CIITA: variants seen among roughly 807,000 people sequenced by gnomAD.
CIITA encodes MHC class II transactivator.
A neutral mutation model predicts 115.1 loss-of-function variants in CIITA; 72 were observed. That is an observed-to-expected ratio of 0.63 (90% confidence interval 0.52 to 0.76). The LOEUF is 0.76. Ranked by LOEUF, CIITA falls within the 30% of genes least tolerant of loss-of-function variation. The pLI, the probability that CIITA is intolerant of heterozygous loss-of-function variation, is 0.00. For missense variants in CIITA, 1,617 were observed against 1,463.8 expected (o/e 1.10, Z -1.71); for synonymous variants, 763 against 635.6 (o/e 1.20, Z -3.02).
At chr16:10,905,726 C>T (rs2039098631) in intron 10 of CIITA, among the ~76,000 whole-genome samples, 1 of 151,358 alleles carries the variant, frequency 6.6e-6, no homozygotes, top group African/African-American at 2.4e-5. Flanking sequence ...TGCGCCAGTG[C>T]ACTCCAGCCT....
rs774566190 is a variant in CIITA, at chr16:10,922,500, G to A, written c.3317+10G>A. On this transcript the variant is annotated intron_variant, in intron 18 of 19. Transcript: ENST00000324288. ...ATGTGGAGACGCTGGCGTAAGTCCA[G>A]GCAACCCTGGTGGGTGGAGAACAAC... The A allele has an allele frequency of 6.2e-6, 10 of 1,613,740 alleles. No homozygotes were observed. The highest frequency in any genetic ancestry group is 1.7e-5 in the Admixed American group (1 of 59,992).
At chr16:10,878,216 G>A (rs188703214) in intron 1 of CIITA, among the ~76,000 whole-genome samples, 25 of 152,294 alleles carry the variant, frequency 1.6e-4, no homozygotes, top group Admixed American at 1.1e-3. Flanking sequence ...CCCCTGAAAT[G>A]TATGGTTTGC....
rs2040845876 is a variant in CIITA, at chr16:10,932,651, T to TGA, written c.*8796_*8797insGA. On this transcript the variant is annotated 3_prime_UTR_variant, in exon 20 of 20. Coordinates refer to ENST00000324288, the MANE Select transcript of CIITA (RefSeq NM_000246.4). ...TCATGAGCTAAAAAATAAAACAAAA[T>TGA]CACACACACACACACAAAAAAACAC... 1 of 138,986 alleles carries TGA rather than the reference T, an allele frequency of 7.2e-6. No individual in the cohort carries two copies. The highest frequency in any genetic ancestry group is 2.4e-4 in the South Asian group (1 of 4,162). 8.6% of individuals were successfully genotyped at this position (138,986 alleles called of 1,614,324 possible).
Position 10,901,445 on chromosome 16 carries a change from G to C in CIITA, c.437-69G>C. ...GAAGTTAAGGCCGTATAGCCTGCTAGAGTCCTGAGCCCCTTCTGGCTTGGG... is the reference window on the plus strand; with the variant it reads ...GAAGTTAAGGCCGTATAGCCTGCTACAGTCCTGAGCCCCTTCTGGCTTGGG... On this transcript the variant is annotated intron_variant, in intron 5 of 19. Coordinates refer to ENST00000324288, the MANE Select transcript of CIITA (RefSeq NM_000246.4). The surrounding 1 kb of genome is among the most constrained non-coding windows in gnomAD (Gnocchi z 6.8). 1.3e-6 allele frequency: 2 copies of C among 1,549,242 alleles called. No homozygotes were observed. Among genetic ancestry groups the C allele is most frequent in the Non-Finnish European group, 8.9e-7 (1 of 1,121,934 alleles).
At chr16:10,897,756 A>G (rs1310601195) in intron 3 of CIITA, among the ~76,000 whole-genome samples, 1 of 152,226 alleles carries the variant, frequency 6.6e-6, no homozygotes, top group Non-Finnish European at 1.5e-5. Context: ...GTAAGCATTC[A>G]GTAGATGTTA....
chr16:10,880,015 AAAAT>A (rs1212130550), intron 1 of CIITA, among the ~76,000 whole-genome samples: 1 of 152,168 alleles, frequency 6.6e-6, no homozygotes, highest in Non-Finnish European at 1.5e-5. Flanking sequence ...CTCCAGAGAA[AAAAT>A]AAATAAATAC....
rs185473996 is a variant in CIITA at position 10,899,937 on chromosome 16, C to T, written c.436+935C>T. Among the ~76,000 whole-genome samples the T allele has an allele frequency of 1.3e-3, 200 of 152,074 alleles. 2 individuals carry two copies. The highest frequency in any genetic ancestry group is 4.2e-3 in the South Asian group (20 of 4,796). On this transcript the variant is annotated intron_variant, in intron 5 of 19. Coordinates refer to ENST00000324288, the MANE Select transcript of CIITA (RefSeq NM_000246.4). ...TCTACCAAAAAATACAAAAATTAGC[C>T]GGGTGTGGTGGTGCACGCCTGTAAT...
chr16:10,908,847 G>A, intron 11 of CIITA, 182 bp from the exon 12 acceptor site: 1 of 809,884 alleles, frequency 1.2e-6, no homozygotes, highest in South Asian at 1.5e-5. Flanking sequence ...ACCACTGTGT[G>A]AGTTGTGAGA....
At chr16:10,886,405 T>A (rs554436534) in intron 1 of CIITA, among the ~76,000 whole-genome samples, 1 of 152,312 alleles carries the variant, frequency 6.6e-6, no homozygotes, top group East Asian at 1.9e-4. Flanking sequence ...GACCTCCAAC[T>A]CTCTGTCACC....
rs986873472 is a variant in CIITA, at chr16:10,934,263, T to C, written c.*10408T>C. ...CTTAGTATTTTAAACCAATGTACTT[T>C]TTAAACTCCAATTTTTTAATAAGAT... On this transcript the variant is annotated 3_prime_UTR_variant, in exon 20 of 20. Transcript: ENST00000324288. The surrounding 1 kb of genome is among the most constrained non-coding windows in gnomAD (Gnocchi z 4.2). 1 of 152,208 alleles carries C rather than the reference T, an allele frequency of 6.6e-6. No homozygotes were observed. Among genetic ancestry groups the C allele is most frequent in the South Asian group, 2.1e-4 (1 of 4,836 alleles). The allele number at this position is 152,208 out of a possible 1,614,324, so 9.4% of individuals were successfully genotyped here.
chr16:10,919,170 CTTA>C (rs2040132299), intron 16 of CIITA, among the ~76,000 whole-genome samples: 1 of 152,070 alleles, frequency 6.6e-6, no homozygotes, highest in African/African-American at 2.4e-5. Flanking sequence ...CATTTGGTCC[CTTA>C]TTATTTATTT....
At chr16:10,897,054 G>C (rs1043689587) in intron 3 of CIITA, among the ~76,000 whole-genome samples, 1 of 152,220 alleles carries the variant, frequency 6.6e-6, no homozygotes, top group East Asian at 1.9e-4. Context: ...TCCCCCCTTA[G>C]TGGCATCTCC....
upstream of CIITA, among the ~76,000 whole-genome samples, chr16:10,876,147 A>G (rs1298994786): frequency 6.6e-6 from 1 of 151,552 alleles, no homozygotes; most frequent in Admixed American, 6.6e-5. Flanking sequence ...TAAGAGTGAA[A>G]CTCCGTCTAA....
upstream of CIITA, among the ~76,000 whole-genome samples, chr16:10,873,880 G>A (rs181953017): frequency 2.2e-4 from 33 of 152,270 alleles, no homozygotes; most frequent in African/African-American, 6.3e-4. Context: ...CGTCTCAGGA[G>A]AGAACTGACT....
intron 1 of CIITA, among the ~76,000 whole-genome samples, chr16:10,871,900 C>T (rs1188998559): frequency 6.6e-6 from 1 of 152,186 alleles, no homozygotes; most frequent in Non-Finnish European, 1.5e-5. Flanking sequence ...CCCAGGCCAG[C>T]CTGTTCCAAA....
intron 8 of CIITA, among the ~76,000 whole-genome samples, chr16:10,903,288 C>A (rs935833146): frequency 6.6e-6 from 1 of 152,142 alleles, no homozygotes; most frequent in Non-Finnish European, 1.5e-5. Flanking sequence ...GGGGTTGTGA[C>A]TTGTCTCAGG....
rs1275136773 is a variant in CIITA, at chr16:10,935,101, A to C, written c.*11246A>C. The C allele has an allele frequency of 6.6e-6, 1 of 152,284 alleles. No individual in the cohort carries two copies. Among genetic ancestry groups the C allele is most frequent in the Non-Finnish European group, 1.5e-5 (1 of 68,052 alleles). The allele number at this position is 152,284 out of a possible 1,614,324, so 9.4% of individuals were successfully genotyped here. On this transcript the variant is annotated 3_prime_UTR_variant, in exon 20 of 20. Coordinates refer to ENST00000324288, the MANE Select transcript of CIITA (RefSeq NM_000246.4). ...AAGCCCTTAGGCAGGTGCTACTATT[A>C]TCCCTGTTTTACAGAGAAGGAAACC...
At chr16:10,890,749 A>G (rs568873598) in intron 1 of CIITA, among the ~76,000 whole-genome samples, 6 of 152,344 alleles carry the variant, frequency 3.9e-5, no homozygotes, top group African/African-American at 1.4e-4. Flanking sequence ...GATGGCCATC[A>G]CACATATTAT....
Position 10,930,671 on chromosome 16 carries a change from T to C in CIITA, c.*6816T>C, listed in dbSNP as rs1332814966. On this transcript the variant is annotated 3_prime_UTR_variant, in exon 20 of 20. Coordinates refer to ENST00000324288, the MANE Select transcript of CIITA (RefSeq NM_000246.4). ...ACGGTCTGAATGAGAGCAGGTACCA[T>C]TTCCTGAGCTCTTAGCAGACGCTGA... 2.0e-5 allele frequency: 3 copies of C among 152,208 alleles called. No homozygotes were observed. The highest frequency in any genetic ancestry group is 7.2e-5 in the African/African-American group (3 of 41,436). 9.4% of individuals were successfully genotyped at this position (152,208 alleles called of 1,614,324 possible). A position where few individuals can be genotyped will look rare whatever the true frequency, so the allele number is the denominator to read the frequency against.
Sources: allele counts gnomAD v4.1 joint callset (sites outside exome capture counted in the v4.1 genomes callset), GRCh38; gene constraint gnomAD v4.1.1; non-coding constraint Gnocchi (gnomAD v3.1); transcripts MANE v1.5; gene names NCBI Gene and HGNC (gene_info 2026-07-23, HGNC 2026-07-21).